Variants in COL3A1 observed in about 807,000 individuals in gnomAD.
The protein encoded by COL3A1 is collagen alpha-1(III) chain.
A neutral mutation model predicts 200.9 loss-of-function variants in COL3A1; 46 were observed. That is an observed-to-expected ratio of 0.23 (90% CI 0.18 to 0.29). COL3A1 has a LOEUF of 0.29. Ranked by LOEUF, COL3A1 falls within the 10% of genes least tolerant of loss-of-function variation. The pLI is 1.00. For missense variants in COL3A1, 1,367 were observed against 1,917.6 expected, an observed-to-expected ratio of 0.71 and a Z score of 5.36; for synonymous variants, 650 against 628.0, an observed-to-expected ratio of 1.03 and a Z score of -0.52.
chr2:188,991,785 T>C lies in COL3A1; in HGVS notation c.951+63T>C, dbSNP rs373677705. The C allele has an allele frequency of 6.8e-4, 1,047 of 1,540,816 alleles. 15 individuals are homozygous for C. In the South Asian group the frequency reaches 0.011, roughly 16 times the overall value. On this transcript the variant is annotated intron_variant, in intron 13 of 50. Transcript: ENST00000304636. ...AAGTGACAGATTTTTACAGCCTCAG[T>C]AAAGTTTCAGGCTGTAAAAATATGT...
At chr2:188,975,630 T>A (rs1687792896) in intron 1 of COL3A1, among the ~76,000 whole-genome samples, 1 of 152,208 alleles carries the variant, frequency 6.6e-6, no homozygotes, top group Non-Finnish European at 1.5e-5. Context: ...ATTTGGTTTT[T>A]GTTTGTAATA....
rs1045780315 is a variant in COL3A1 at position 188,996,035 on chromosome 2, G to T, written c.1609-90G>T. ...TGCAAATCTGAGGCTTCACATGTAA[G>T]TGAAAATATCAAAATCATACAAATA... On this transcript the variant is annotated intron_variant, in intron 22 of 50. Transcript: ENST00000304636. 36 of 1,315,980 alleles carry T rather than the reference G, an allele frequency of 2.7e-5. No homozygotes were observed. In the African/African-American group the frequency reaches 4.8e-4, roughly 18 times the overall value. The allele number at this position is 1,315,980 out of a possible 1,614,324, so 81.5% of individuals were successfully genotyped here.
At chr2:188,992,149 TTAAAA>T (rs1688202680) in intron 13 of COL3A1, 30 bp from the exon 14 acceptor site, 1 of 1,611,562 alleles carries the variant, frequency 6.2e-7, no homozygotes, top group Non-Finnish European at 8.5e-7. Context: ...CCATTCAGAA[TTAAAA>T]GGATATTTGA....
intron 36 of COL3A1, 132 bp downstream of exon 36, chr2:189,003,194 G>T: frequency 1.2e-6 from 1 of 834,658 alleles, no homozygotes; most frequent in Non-Finnish European, 2.0e-6. Context: ...AAAACATGGA[G>T]GTTTATCAGT....
At chr2:189,010,551 C>T in intron 49 of COL3A1, 97 bp from the exon 50 acceptor site, 1 of 1,526,502 alleles carries the variant, frequency 6.6e-7, no homozygotes, top group Non-Finnish European at 9.1e-7. Flanking sequence ...AATATATAAA[C>T]AGCCCATATT....
At chr2:189,001,321 A>G (rs539079849) in intron 32 of COL3A1, 76 bp from the exon 33 acceptor site, 22 of 1,388,724 alleles carry the variant, frequency 1.6e-5, no homozygotes, top group African/African-American at 1.4e-4. Flanking sequence ...ATCTATGTCT[A>G]TATACTTTCT....
chr2:189,008,733 G>C (rs1362808107), intron 47 of COL3A1, 191 bp from the exon 48 acceptor site: 1 of 628,920 alleles, frequency 1.6e-6, no homozygotes, highest in African/African-American at 1.8e-5. Context: ...TATCTTTCTT[G>C]ATAATGAATT....
At position 188,997,582 on chromosome 2, in the gene COL3A1, T is replaced by A. The variant is rs139414527; in HGVS notation, c.1870-118T>A. ...TGTACATGTGTGCTTTGGGTCCAGGTCCTCCCTTTTCTTCACATCACTACT... is the reference window on the plus strand; with the variant it reads ...TGTACATGTGTGCTTTGGGTCCAGGACCTCCCTTTTCTTCACATCACTACT... On this transcript the variant is annotated intron_variant, in intron 26 of 50. Coordinates refer to ENST00000304636, the MANE Select transcript of COL3A1 (RefSeq NM_000090.4). The A allele has an allele frequency of 8.9e-4, 1,077 of 1,203,896 alleles. 2 individuals carry two copies. Among genetic ancestry groups the A allele is most frequent in the African/African-American group, 7.1e-3 (471 of 66,044 alleles). The allele number at this position is 1,203,896 out of a possible 1,614,324, so 74.6% of individuals were successfully genotyped here. A position where few individuals can be genotyped will look rare whatever the true frequency, so the allele number is the denominator to read the frequency against.
intron 32 of COL3A1, among the ~76,000 whole-genome samples, chr2:189,000,456 A>G (rs1419478327): frequency 1.2e-4 from 18 of 152,206 alleles, no homozygotes; most frequent in Admixed American, 1.0e-3. Flanking sequence ...AGTGGTTGCT[A>G]GCAGTTAAGA....
chr2:188,989,010 C>T (rs1346580955), intron 7 of COL3A1, among the ~76,000 whole-genome samples: 1 of 151,420 alleles, frequency 6.6e-6, no homozygotes, highest in Non-Finnish European at 1.5e-5. Context: ...ATACATATAT[C>T]TTAGACAGTA....
intron 4 of COL3A1, among the ~76,000 whole-genome samples, chr2:188,986,356 G>A (rs191980466): frequency 2.4e-4 from 36 of 152,052 alleles, no homozygotes; most frequent in Non-Finnish European, 3.5e-4. Flanking sequence ...TAGGTGAAAC[G>A]AGAAAATATA....
chr2:188,988,728 T>G, intron 7 of COL3A1, 85 bp downstream of exon 7: 1 of 900,280 alleles, frequency 1.1e-6, no homozygotes, highest in South Asian at 1.5e-5. Flanking sequence ...TATAGGTCTT[T>G]ACAGAATGAA....
rs913194480 is a variant in COL3A1, at chr2:188,994,357, T to C, written c.1293+25T>C. ...AGTAAGTTGCCTTGTTTTTTCTCTG[T>C]TGACTGAAAGGTATAGTTTAATTCC... On this transcript the variant is annotated intron_variant, in intron 18 of 50. Transcript: ENST00000304636. This position sits in a 1 kb window ranked among gnomAD's most constrained non-coding sequence, Gnocchi z 4.5. 2.5e-6 allele frequency: 4 copies of C among 1,612,390 alleles called. No homozygotes were observed. The highest frequency in any genetic ancestry group is 2.7e-5 in the African/African-American group (2 of 74,870).
At chr2:188,983,145 T>C (rs976480754) in intron 1 of COL3A1, among the ~76,000 whole-genome samples, 18 of 151,998 alleles carry the variant, frequency 1.2e-4, no homozygotes, top group African/African-American at 4.3e-4. Context: ...ATATAGAAAA[T>C]ATATCCCATG....
chr2:189,006,877 T>C, intron 43 of COL3A1, 60 bp from the exon 44 acceptor site: 1 of 1,539,660 alleles, frequency 6.5e-7, no homozygotes, highest in Non-Finnish European at 9.0e-7. Flanking sequence ...AAAACGAAAT[T>C]GTGTCAACAC....
At chr2:188,998,854 G>A in intron 29 of COL3A1, 136 bp downstream of exon 29, 1 of 853,220 alleles carries the variant, frequency 1.2e-6, no homozygotes, top group South Asian at 1.5e-5. Context: ...AGTACACTTA[G>A]AGAAACTCAA....
At chr2:189,003,558 A>C in intron 37 of COL3A1, 94 bp downstream of exon 37, 1 of 1,406,568 alleles carries the variant, frequency 7.1e-7, no homozygotes. Context: ...CATAAAGAGA[A>C]TGTAAAAATT....
intron 1 of COL3A1, among the ~76,000 whole-genome samples, chr2:188,976,817 T>G (rs906599640): frequency 2.6e-5 from 4 of 152,220 alleles, no homozygotes; most frequent in African/African-American, 9.6e-5. Context: ...TTATATTTCC[T>G]GTAGATTATA....
chr2:188,977,801 A>T (rs1243460230), intron 1 of COL3A1, among the ~76,000 whole-genome samples: 1 of 152,138 alleles, frequency 6.6e-6, no homozygotes, highest in Admixed American at 6.5e-5. Flanking sequence ...CCTAGAAAGT[A>T]CATGAACTAA....
Sources: allele counts gnomAD v4.1 joint callset (sites outside exome capture counted in the v4.1 genomes callset), GRCh38; gene constraint gnomAD v4.1.1; non-coding constraint Gnocchi (gnomAD v3.1); transcripts MANE v1.5; gene names NCBI Gene and HGNC (gene_info 2026-07-23, HGNC 2026-07-21).